The following SLC35D4 variants were observed in gnomAD, a reference collection of about 807,000 sequenced individuals.
SLC35D4 encodes the protein solute carrier family 35 member D4.
chr18:23,301,715 C>T, the SLC35D4 span, among the ~76,000 whole-genome samples: 1 of 152,334 alleles, frequency 6.6e-6, no homozygotes, highest in African/African-American at 2.4e-5. Flanking sequence ...CTCTCCCCAT[C>T]TATAAAACGG....
At chr18:23,388,531 C>T in the SLC35D4 span, among the ~76,000 whole-genome samples, 16 of 152,276 alleles carry the variant, frequency 1.1e-4, no homozygotes, top group African/African-American at 2.6e-4. Flanking sequence ...GGAGTTGTGA[C>T]GCACAAATTA....
the SLC35D4 span, among the ~76,000 whole-genome samples, chr18:23,324,934 T>A: frequency 6.6e-6 from 1 of 152,184 alleles, no homozygotes; most frequent in Non-Finnish European, 1.5e-5. Flanking sequence ...AAAAGTCCCA[T>A]GGAGAATCCT....
the SLC35D4 span, among the ~76,000 whole-genome samples, chr18:23,311,368 T>C: frequency 1.3e-5 from 2 of 151,550 alleles, no homozygotes; most frequent in Non-Finnish European, 2.9e-5. Flanking sequence ...GCTGGAATTA[T>C]AGGCGTGAGC....
At chr18:23,371,935 G>GTTTTTTTTTTTTTTTT in the SLC35D4 span, among the ~76,000 whole-genome samples, 37 of 35,448 alleles carry the variant, frequency 1.0e-3, 6 homozygotes, top group Admixed American at 2.2e-3. Context: ...TGTTTTTTTT[G>GTTTTTTTTTTTTTTTT]TTTTTTTTTT....
At chr18:23,405,824 G>A in the SLC35D4 span, among the ~76,000 whole-genome samples, 31,276 of 152,050 alleles carry the variant, frequency 0.21, 5,018 homozygotes, top group African/African-American at 0.41. Flanking sequence ...GGCTTTACAG[G>A]TTCCACAACT....
At chr18:23,386,932 C>T in the SLC35D4 span, among the ~76,000 whole-genome samples, 1 of 152,122 alleles carries the variant, frequency 6.6e-6, no homozygotes, top group African/African-American at 2.4e-5. Context: ...TTTTTTGAGA[C>T]AGAGTCTCGC....
At chr18:23,299,728 G>T in the SLC35D4 span, among the ~76,000 whole-genome samples, 1 of 152,166 alleles carries the variant, frequency 6.6e-6, no homozygotes, top group Non-Finnish European at 1.5e-5. Context: ...GTGATTAAAG[G>T]CCTCTGGGGG....
chr18:23,275,598 T>A, the SLC35D4 span, among the ~76,000 whole-genome samples: 3 of 18,876 alleles, frequency 1.6e-4, no homozygotes, highest in African/African-American at 1.5e-3. Context: ...GAAAGAGTGC[T>A]GTGCTGTGCT....
chr18:23,406,256 C>T, the SLC35D4 span, among the ~76,000 whole-genome samples: 2 of 152,310 alleles, frequency 1.3e-5, no homozygotes, highest in East Asian at 1.9e-4. Flanking sequence ...TAGCCAATAG[C>T]TCTACGAGAC....
At chr18:23,350,382 ACT>A in the SLC35D4 span, among the ~76,000 whole-genome samples, 2 of 151,936 alleles carry the variant, frequency 1.3e-5, no homozygotes, top group African/African-American at 4.8e-5. Context: ...CCTGCTCCTG[ACT>A]CTGTGTGCGG....
the SLC35D4 span, among the ~76,000 whole-genome samples, chr18:23,409,901 T>C: frequency 6.6e-6 from 1 of 151,756 alleles, no homozygotes; most frequent in Non-Finnish European, 1.5e-5. Flanking sequence ...TAGACAGACC[T>C]TTCTCTTGCC....
At chr18:23,243,947 A>G in the SLC35D4 span, among the ~76,000 whole-genome samples, 42 of 149,284 alleles carry the variant, frequency 2.8e-4, 1 homozygote, top group South Asian at 8.6e-3. Context: ...TCTGCTCTCT[A>G]TGTATTTGTC....
chr18:23,313,360 G>A, the SLC35D4 span, among the ~76,000 whole-genome samples: 8 of 150,560 alleles, frequency 5.3e-5, no homozygotes, highest in South Asian at 6.4e-4. Context: ...CCCAAAACAA[G>A]CATTTAAAAG....
chr18:23,395,963 C>T, the SLC35D4 span, among the ~76,000 whole-genome samples: 2 of 152,180 alleles, frequency 1.3e-5, no homozygotes, highest in African/African-American at 2.4e-5. Flanking sequence ...TCTTTCACTC[C>T]CTGCCCCATC....
chr18:23,308,163 G>A, the SLC35D4 span, among the ~76,000 whole-genome samples: 157 of 152,326 alleles, frequency 1.0e-3, 3 homozygotes, highest in East Asian at 0.028. Context: ...AGGTCACCTC[G>A]ATTTGAAGGC....
the SLC35D4 span, among the ~76,000 whole-genome samples, chr18:23,248,538 T>TTTTTTTTTTTTTTTTTTA: frequency 4.3e-5 from 4 of 93,600 alleles, no homozygotes; most frequent in Non-Finnish European, 7.0e-5. Context: ...TTTTTTTTTT[T>TTTTTTTTTTTTTTTTTTA]AAAAAAAGGC....
the SLC35D4 span, among the ~76,000 whole-genome samples, chr18:23,243,043 A>C: frequency 2.0e-5 from 3 of 150,200 alleles, no homozygotes; most frequent in East Asian, 5.8e-4. Flanking sequence ...ATAAGTTATA[A>C]TTTAATAACA....
the SLC35D4 span, among the ~76,000 whole-genome samples, chr18:23,270,363 T>G: frequency 6.6e-6 from 1 of 152,258 alleles, no homozygotes; most frequent in Admixed American, 6.5e-5. Context: ...AATGCCTGCA[T>G]GTCTAGGCAA....
At chr18:23,357,529 C>T in the SLC35D4 span, among the ~76,000 whole-genome samples, 1 of 152,356 alleles carries the variant, frequency 6.6e-6, no homozygotes, top group African/African-American at 2.4e-5. Flanking sequence ...AGAGCCTGGT[C>T]TTCCAGACCC....
Sources: gnomAD v4.1 joint callset for allele counts (sites outside exome capture counted in the v4.1 genomes callset) on GRCh38, gnomAD v4.1.1 for gene constraint, MANE v1.5 for transcripts, NCBI Gene and HGNC (gene_info 2026-07-23, HGNC 2026-07-21) for gene names.